GUCY1A2: variants seen among roughly 807,000 people sequenced by gnomAD.
GUCY1A2 encodes the protein guanylate cyclase 1 soluble subunit alpha 2.
GUCY1A2 carries 27 observed loss-of-function variants against 63.5 expected under a neutral mutation model. The ratio of observed to expected loss-of-function variants is 0.43; its 90% CI spans 0.31 to 0.59. The LOEUF (loss-of-function observed/expected upper bound fraction) is 0.59. GUCY1A2 is among the 20% of genes least tolerant of loss of function. The probability of loss-of-function intolerance (pLI) is 0.11; values close to 1 mark genes in which losing one functional copy is unlikely to be tolerated. For synonymous variants in GUCY1A2, 364 were observed against 343.5 expected, an observed-to-expected ratio of 1.06 and a Z score of -0.66; for missense variants, 768 against 913.3, an observed-to-expected ratio of 0.84 and a Z score of 2.05.
rs116789626 is a variant in GUCY1A2 at position 106,938,385 on chromosome 11, A to T, written c.1206+1075T>A. ...CAGAGGGCTATTTCCTCATTTATTT[A>T]TTATTATTCCAGAATATGTATATTT... On this transcript the variant is annotated intron_variant, in intron 4 of 7. Coordinates refer to ENST00000526355, the MANE Select transcript of GUCY1A2 (RefSeq NM_000855.3). Among the ~76,000 whole-genome samples the T allele has an allele frequency of 3.5e-3, 526 of 152,304 alleles. 5 individuals are homozygous for T. Among genetic ancestry groups the T allele is most frequent in the African/African-American group, 0.012 (490 of 41,574 alleles).
chr11:106,896,774 T>A (rs973276627), intron 4 of GUCY1A2, among the ~76,000 whole-genome samples: 3 of 152,214 alleles, frequency 2.0e-5, no homozygotes, highest in African/African-American at 7.2e-5. Flanking sequence ...CCTGCCACTG[T>A]CTTGATCTTG....
intron 4 of GUCY1A2, among the ~76,000 whole-genome samples, chr11:106,876,812 CT>C (rs1859755798): frequency 6.6e-6 from 1 of 152,070 alleles, no homozygotes. Context: ...CGTAACTTTG[CT>C]GATGCTGGTT....
chr11:106,883,137 G>A (rs757511635), intron 4 of GUCY1A2, among the ~76,000 whole-genome samples: 9 of 151,958 alleles, frequency 5.9e-5, no homozygotes, highest in Non-Finnish European at 1.3e-4. Flanking sequence ...TAACACTACT[G>A]AACCACTTAA....
intron 5 of GUCY1A2, among the ~76,000 whole-genome samples, chr11:106,799,100 G>A (rs574422986): frequency 6.6e-6 from 1 of 152,240 alleles, no homozygotes; most frequent in Non-Finnish European, 1.5e-5. Context: ...AAAATCACAA[G>A]CATTCTTATA....
chr11:106,999,146 T>C (rs1226372499), intron 1 of GUCY1A2, among the ~76,000 whole-genome samples: 1 of 152,164 alleles, frequency 6.6e-6, no homozygotes, highest in Non-Finnish European at 1.5e-5. Context: ...CAAGAGAGGT[T>C]CTTTTGAATT....
intron 5 of GUCY1A2, among the ~76,000 whole-genome samples, chr11:106,795,489 A>G (rs553595169): frequency 6.6e-6 from 1 of 152,200 alleles, no homozygotes; most frequent in Non-Finnish European, 1.5e-5. Flanking sequence ...AATCTTAAGA[A>G]CAGCATTATC....
chr11:106,970,185 A>T (rs1390994218), intron 3 of GUCY1A2, among the ~76,000 whole-genome samples: 2 of 152,174 alleles, frequency 1.3e-5, no homozygotes, highest in East Asian at 3.9e-4. Flanking sequence ...ATTTGTGGAC[A>T]TCTTATATTT....
At chr11:106,709,442 AAT>A (rs1863003339) in intron 6 of GUCY1A2, among the ~76,000 whole-genome samples, 2 of 96,846 alleles carry the variant, frequency 2.1e-5, no homozygotes, top group South Asian at 2.7e-4. Context: ...TATATATAAT[AAT>A]ATATATTCTA....
At chr11:106,742,946 G>C (rs1429136237) in intron 6 of GUCY1A2, among the ~76,000 whole-genome samples, 5 of 152,068 alleles carry the variant, frequency 3.3e-5, no homozygotes, top group African/African-American at 1.2e-4. Flanking sequence ...TTTAGGTTTT[G>C]CTAATATGGA....
intron 6 of GUCY1A2, among the ~76,000 whole-genome samples, chr11:106,729,232 T>A (rs1471156628): frequency 1.3e-5 from 2 of 152,132 alleles, no homozygotes; most frequent in East Asian, 3.9e-4. Flanking sequence ...ATATGGGGAT[T>A]GAAGCTAGAA....
chr11:106,905,480 T>G (rs1260121732), intron 4 of GUCY1A2, among the ~76,000 whole-genome samples: 1 of 152,084 alleles, frequency 6.6e-6, no homozygotes, highest in Admixed American at 6.6e-5. Flanking sequence ...CTTAATCACT[T>G]CTTTAAAGTC....
chr11:106,725,806 T>C (rs979904807), intron 6 of GUCY1A2, among the ~76,000 whole-genome samples: 13 of 152,124 alleles, frequency 8.5e-5, no homozygotes, highest in Non-Finnish European at 1.9e-4. Context: ...TTTAATTAAA[T>C]GCTTGACTCT....
intron 4 of GUCY1A2, among the ~76,000 whole-genome samples, chr11:106,926,964 A>G (rs1303898176): frequency 6.7e-6 from 1 of 150,340 alleles, no homozygotes; most frequent in Non-Finnish European, 1.5e-5. Context: ...ACAATTGTGC[A>G]TTCTCTTCTG....
intron 3 of GUCY1A2, among the ~76,000 whole-genome samples, chr11:106,976,405 A>G (rs1861262880): frequency 6.6e-6 from 1 of 152,214 alleles, no homozygotes; most frequent in Non-Finnish European, 1.5e-5. Context: ...ATATGATTAC[A>G]GAAGAGAATT....
At chr11:106,851,028 G>C (rs1390386612) in intron 4 of GUCY1A2, among the ~76,000 whole-genome samples, 2 of 151,696 alleles carry the variant, frequency 1.3e-5, no homozygotes, top group Admixed American at 6.6e-5. Context: ...TTTGATAATA[G>C]CCATTCTAAC....
chr11:106,852,458 T>C (rs576002150), intron 4 of GUCY1A2, among the ~76,000 whole-genome samples: 4 of 152,266 alleles, frequency 2.6e-5, no homozygotes, highest in Admixed American at 2.6e-4. Context: ...TTGTCATATA[T>C]GACCCTTATT....
At chr11:106,731,994 A>G (rs1863513797) in intron 6 of GUCY1A2, among the ~76,000 whole-genome samples, 2 of 152,308 alleles carry the variant, frequency 1.3e-5, no homozygotes, top group African/African-American at 2.4e-5. Flanking sequence ...TATAGATTCA[A>G]TGCTATTCCT....
Position 106,678,882 on chromosome 11 carries a change from T to C in GUCY1A2, c.*8667A>G, listed in dbSNP as rs1031124406. The stretch of plus-strand genomic sequence containing the variant: ...ACAATTTTTAAGTCTGTCATATTTA[T>C]GACTTTTTTTCTGTAACAAATGGAA... On this transcript the variant is annotated 3_prime_UTR_variant, in exon 8 of 8. Transcript: ENST00000526355. 3 of 189,644 alleles carry C rather than the reference T, an allele frequency of 1.6e-5. No homozygotes were observed. The highest frequency in any genetic ancestry group is 7.0e-5 in the African/African-American group (3 of 43,010). 11.7% of individuals were successfully genotyped at this position (189,644 alleles called of 1,614,324 possible). A position where few individuals can be genotyped will look rare whatever the true frequency, so the allele number is the denominator to read the frequency against.
chr11:106,689,513 T>G (rs1862584579), intron 7 of GUCY1A2, among the ~76,000 whole-genome samples: 1 of 151,574 alleles, frequency 6.6e-6, no homozygotes, highest in African/African-American at 2.4e-5. Flanking sequence ...AAACATAAAT[T>G]TACAGGAAAA....
Sources: gnomAD v4.1 joint callset for allele counts (sites outside exome capture counted in the v4.1 genomes callset) on GRCh38, gnomAD v4.1.1 for gene constraint, MANE v1.5 for transcripts, NCBI Gene and HGNC (gene_info 2026-07-23, HGNC 2026-07-21) for gene names.